NAV2: variants seen among roughly 807,000 people sequenced by gnomAD.
NAV2 encodes the protein helicase, APC down-regulated 1.
A neutral mutation model predicts 223.2 loss-of-function variants in NAV2; 54 were observed. The ratio of observed to expected loss-of-function variants is 0.24; its 90% CI spans 0.19 to 0.30. The LOEUF is 0.30. NAV2 is among the 10% of genes least tolerant of loss of function. The pLI is 1.00. For synonymous variants in NAV2, 1,279 were observed against 1,239.3 expected (o/e 1.03, Z -0.67); for missense variants, 2,806 against 3,147.5 (o/e 0.89, Z 2.60).
chr11:19,942,770 G>A lies in NAV2; in HGVS notation c.2146+2997G>A, dbSNP rs368118514. ...AGGCCAAGGTGAGAGGATCGCTTGA[G>A]GCCAGGAGTTTGAGACTAGCCTGGG... On this transcript the variant is annotated intron_variant, in intron 8 of 37. Transcript: ENST00000349880. Among the ~76,000 whole-genome samples the A allele has an allele frequency of 4.9e-4, 74 of 152,304 alleles. 1 individual carries two copies. In the South Asian group the frequency reaches 0.015, roughly 31 times the overall value.
chr11:20,006,029 C>T (rs1402647808), intron 11 of NAV2, among the ~76,000 whole-genome samples: 1 of 152,058 alleles, frequency 6.6e-6, no homozygotes, highest in African/African-American at 2.4e-5. Flanking sequence ...GCGGGTGGAT[C>T]ACCTGAGGTC....
intron 1 of NAV2, among the ~76,000 whole-genome samples, chr11:19,551,124 T>C (rs1333462983): frequency 6.6e-6 from 1 of 152,230 alleles, no homozygotes; most frequent in East Asian, 1.9e-4. Flanking sequence ...TGGCTCGCCC[T>C]TGCATGCTGT....
At chr11:19,832,345 A>C in intron 1 of NAV2, 139 bp from the exon 2 acceptor site, 1 of 693,486 alleles carries the variant, frequency 1.4e-6, no homozygotes, top group Non-Finnish European at 2.6e-6. Context: ...AGCACAATGC[A>C]CTGAATTTTA....
intron 1 of NAV2, among the ~76,000 whole-genome samples, chr11:19,418,077 C>A (rs774735866): frequency 6.6e-6 from 1 of 152,064 alleles, no homozygotes; most frequent in Non-Finnish European, 1.5e-5. Context: ...ATGTAACAAA[C>A]CTGCATGTTC....
chr11:19,593,690 A>C (rs1043612946), intron 1 of NAV2, among the ~76,000 whole-genome samples: 4 of 152,108 alleles, frequency 2.6e-5, no homozygotes, highest in African/African-American at 9.7e-5. Context: ...GTGTCTCTAC[A>C]TCTTTGCTGG....
intron 1 of NAV2, among the ~76,000 whole-genome samples, chr11:19,644,690 G>T (rs2135588050): frequency 6.6e-6 from 1 of 152,340 alleles, no homozygotes; most frequent in South Asian, 2.1e-4. Context: ...GCCTGAGACT[G>T]CAGGAAGAGA....
At chr11:20,072,984 C>T (rs189938994) in intron 22 of NAV2, among the ~76,000 whole-genome samples, 3,601 of 152,102 alleles carry the variant, frequency 0.024, 153 homozygotes, top group African/African-American at 0.082. Flanking sequence ...TGAATAGGAG[C>T]GGTGAGAGAG....
intron 1 of NAV2, among the ~76,000 whole-genome samples, chr11:19,762,712 C>T (rs2152548015): frequency 6.7e-6 from 1 of 148,574 alleles, no homozygotes; most frequent in Admixed American, 6.8e-5. Flanking sequence ...CTCCTGGGTT[C>T]AAGCAATTCT....
intron 4 of NAV2, among the ~76,000 whole-genome samples, chr11:19,874,663 C>T (rs1405703859): frequency 6.6e-6 from 1 of 152,116 alleles, no homozygotes; most frequent in African/African-American, 2.4e-5. Flanking sequence ...TGCTATAGAC[C>T]ACCCATGGTA....
At chr11:19,795,870 G>T (rs1439280823) in intron 1 of NAV2, among the ~76,000 whole-genome samples, 1 of 152,154 alleles carries the variant, frequency 6.6e-6, no homozygotes, top group Non-Finnish European at 1.5e-5. Context: ...AGCCCTCCTT[G>T]GCCATAGGCA....
intron 1 of NAV2, among the ~76,000 whole-genome samples, chr11:19,649,566 G>A (rs960266655): frequency 6.6e-6 from 1 of 152,166 alleles, no homozygotes; most frequent in African/African-American, 2.4e-5. Flanking sequence ...AGCGAGAGTG[G>A]AGGGGTCTCT....
At chr11:19,512,173 G>C (rs1034007722) in intron 1 of NAV2, among the ~76,000 whole-genome samples, 1 of 152,152 alleles carries the variant, frequency 6.6e-6, no homozygotes, top group Non-Finnish European at 1.5e-5. Flanking sequence ...GCTCTGTTGG[G>C]ACTCTGAGGG....
Position 20,044,907 on chromosome 11 carries a change from C to T in NAV2, c.3200-61C>T, listed in dbSNP as rs962063288. 267 of 1,424,752 alleles carry T rather than the reference C, an allele frequency of 1.9e-4. 1 individual carries two copies. Among genetic ancestry groups the T allele is most frequent in the South Asian group, 5.2e-4 (38 of 73,452 alleles). The allele number at this position is 1,424,752 out of a possible 1,614,324, so 88.3% of individuals were successfully genotyped here. ...CTTCAGAGGAGGAGAGCATCTTAAACAGACGAGATGGATGAGCTGGCTCTT... is the reference window on the plus strand; with the variant it reads ...CTTCAGAGGAGGAGAGCATCTTAAATAGACGAGATGGATGAGCTGGCTCTT... On this transcript the variant is annotated intron_variant, in intron 13 of 37. Transcript: ENST00000349880.
At chr11:19,483,682 T>C (rs944993074) in intron 1 of NAV2, among the ~76,000 whole-genome samples, 1 of 152,142 alleles carries the variant, frequency 6.6e-6, no homozygotes, top group African/African-American at 2.4e-5. Flanking sequence ...TGATAAGTGC[T>C]TCACTAAGAT....
intron 1 of NAV2, among the ~76,000 whole-genome samples, chr11:19,389,200 C>T (rs1454812454): frequency 6.6e-6 from 1 of 152,198 alleles, no homozygotes; most frequent in Non-Finnish European, 1.5e-5. Flanking sequence ...TGCTGTCCAT[C>T]CTGTCTGCTA....
At chr11:19,515,049 C>T (rs148124855) in intron 1 of NAV2, among the ~76,000 whole-genome samples, 1 of 152,234 alleles carries the variant, frequency 6.6e-6, no homozygotes, top group Non-Finnish European at 1.5e-5. Flanking sequence ...GGTTTGGGTA[C>T]CGGCTCTGAA....
intron 1 of NAV2, among the ~76,000 whole-genome samples, chr11:19,809,531 A>G (rs568239987): frequency 2.0e-5 from 3 of 152,352 alleles, no homozygotes; most frequent in South Asian, 4.1e-4. Context: ...TAATATTCAC[A>G]TATTAGTTAG....
chr11:20,090,606 A>G (rs780135495), intron 26 of NAV2, among the ~76,000 whole-genome samples: 1 of 152,230 alleles, frequency 6.6e-6, no homozygotes, highest in Non-Finnish European at 1.5e-5. Flanking sequence ...AAAAGTAACA[A>G]TACAGTAAAT....
chr11:19,851,462 C>G (rs2061120609), intron 3 of NAV2, among the ~76,000 whole-genome samples: 1 of 152,136 alleles, frequency 6.6e-6, no homozygotes, highest in African/African-American at 2.4e-5. Flanking sequence ...ATCAGGCTGA[C>G]CTAGGTTCCA....
Sources: gnomAD v4.1 joint callset for allele counts (sites outside exome capture counted in the v4.1 genomes callset) on GRCh38, gnomAD v4.1.1 for gene constraint, MANE v1.5 for transcripts, NCBI Gene and HGNC (gene_info 2026-07-23, HGNC 2026-07-21) for gene names.